NBEA: variants seen among roughly 807,000 people sequenced by gnomAD.
NBEA encodes the protein lysosomal-trafficking regulator 2.
Under a neutral mutation model 343.4 loss-of-function variants are expected in NBEA, and 44 were observed. The observed-to-expected ratio is 0.13, with a 90% CI of 0.10 to 0.16. The LOEUF (loss-of-function observed/expected upper bound fraction) is 0.16, where lower values mean the gene tolerates loss of function less well. Among genes scored for constraint, NBEA ranks in the 10% least tolerant of loss-of-function variants. The pLI is 1.00. For missense variants in NBEA, 2,555 were observed against 3,631.3 expected (o/e 0.70, Z 7.62); for synonymous variants, 1,175 against 1,238.7 (o/e 0.95, Z 1.08).
At chr13:35,251,494 C>T in intron 34 of NBEA, 1 of 1,095,434 alleles carries the variant, frequency 9.1e-7, no homozygotes. Flanking sequence ...GAGTGATGAC[C>T]TTGTGGAGTG....
At chr13:35,574,295 A>AG (rs2080607177) in intron 45 of NBEA, among the ~76,000 whole-genome samples, 2 of 18,580 alleles carry the variant, frequency 1.1e-4, no homozygotes, top group African/African-American at 2.5e-4. Context: ...GATATTCTTT[A>AG]AAAAAAAAAA....
At position 35,609,388 on chromosome 13, in the gene NBEA, G is replaced by A. The variant is rs140205539; in HGVS notation, c.7449+2810G>A. ...ACAGATAACTTTAGGAAAGGGATTT[G>A]CCTTCTTAATAAAAGACTGAAAGTT... On this transcript the variant is annotated intron_variant, in intron 48 of 58. Transcript: ENST00000379939. Among the ~76,000 whole-genome samples the A allele has an allele frequency of 2.0e-3, 305 of 152,298 alleles. 1 individual carries two copies. Among genetic ancestry groups the A allele is most frequent in the African/African-American group, 7.1e-3 (294 of 41,558 alleles).
intron 34 of NBEA, among the ~76,000 whole-genome samples, chr13:35,240,556 A>G (rs937390013): frequency 6.6e-6 from 1 of 151,978 alleles, no homozygotes; most frequent in African/African-American, 2.4e-5. Flanking sequence ...ATCAAAATTA[A>G]TACTGGAGGA....
At chr13:35,650,071 A>G (rs1458270393) in intron 52 of NBEA, among the ~76,000 whole-genome samples, 2 of 152,216 alleles carry the variant, frequency 1.3e-5, no homozygotes, top group African/African-American at 4.8e-5. Context: ...TCAACTACTC[A>G]GTAACTATTT....
chr13:35,306,529 C>A (rs917074834), intron 35 of NBEA, among the ~76,000 whole-genome samples: 2 of 151,946 alleles, frequency 1.3e-5, no homozygotes, highest in African/African-American at 4.8e-5. Context: ...TTTATTACTA[C>A]ATTTTTTTGG....
At chr13:35,602,015 T>C (rs1456269462) in intron 47 of NBEA, among the ~76,000 whole-genome samples, 4 of 152,172 alleles carry the variant, frequency 2.6e-5, no homozygotes, top group Admixed American at 2.0e-4. Flanking sequence ...TAAGAAAATA[T>C]ATGTAAAGCA....
At chr13:35,216,610 TA>T (rs1487767781) in intron 33 of NBEA, among the ~76,000 whole-genome samples, 1 of 151,976 alleles carries the variant, frequency 6.6e-6, no homozygotes, top group African/African-American at 2.4e-5. Context: ...TTCAATTCAA[TA>T]TTTTTTTCTA....
chr13:35,422,809 G>A lies in NBEA; in HGVS notation c.6180-9460G>A, dbSNP rs1430459493. Among the ~76,000 whole-genome samples the A allele has an allele frequency of 3.9e-5, 6 of 152,186 alleles. No homozygotes were observed. In the East Asian group the frequency reaches 9.6e-4, roughly 24 times the overall value. ...TTTCTCCACATCCTCTCCAGCATCT[G>A]TTGTTTCCTGACTTTTTAATGATCG... is the stretch of plus-strand genomic sequence containing the variant. On this transcript the variant is annotated intron_variant, in intron 38 of 58. Coordinates refer to ENST00000379939, the MANE Select transcript of NBEA (RefSeq NM_001385012.1).
intron 17 of NBEA, among the ~76,000 whole-genome samples, chr13:35,139,149 C>T (rs556025855): frequency 6.6e-6 from 1 of 150,984 alleles, no homozygotes; most frequent in East Asian, 2.0e-4. Flanking sequence ...CAACCTCCGC[C>T]TCCCATGCTC....
chr13:35,297,957 C>T (rs1476412918), intron 35 of NBEA, among the ~76,000 whole-genome samples: 1 of 151,346 alleles, frequency 6.6e-6, no homozygotes, highest in Non-Finnish European at 1.5e-5. Context: ...GTTAGGGAGG[C>T]CAGTCCCCCT....
intron 28 of NBEA, among the ~76,000 whole-genome samples, chr13:35,178,698 C>T (rs1593628635): frequency 6.6e-6 from 1 of 150,946 alleles, no homozygotes; most frequent in South Asian, 2.1e-4. Context: ...TATAATAAAC[C>T]TATATTGTTT....
intron 49 of NBEA, among the ~76,000 whole-genome samples, chr13:35,644,986 G>A (rs903722575): frequency 4.6e-5 from 7 of 152,176 alleles, no homozygotes; most frequent in South Asian, 2.1e-4. Context: ...CCATTTACGC[G>A]ATGGCTAAAA....
intron 38 of NBEA, among the ~76,000 whole-genome samples, chr13:35,371,167 T>G (rs993235952): frequency 6.6e-6 from 1 of 152,264 alleles, no homozygotes; most frequent in Admixed American, 6.5e-5. Flanking sequence ...CTTACTAGAC[T>G]TGGGAAATAT....
rs559435236 is a variant in NBEA at position 35,580,262 on chromosome 13, G to C, written c.7036-3636G>C. ...AACTTTCAGTTAAACTTTTGTATAT[G>C]GTAACACTTAAAAAGTGCGGAAGTC... is the stretch of plus-strand genomic sequence containing the variant. On this transcript the variant is annotated intron_variant, in intron 45 of 58. Transcript: ENST00000379939. Among the ~76,000 whole-genome samples the C allele has an allele frequency of 9.2e-5, 14 of 152,116 alleles. No homozygotes were observed. The South Asian group carries it at 2.3e-3, about 25-fold the overall frequency.
chr13:35,506,090 TCTCA>T (rs1167118343), intron 41 of NBEA, among the ~76,000 whole-genome samples: 1 of 152,172 alleles, frequency 6.6e-6, no homozygotes. Flanking sequence ...TGAGACATGT[TCTCA>T]CTCTGTCACC....
chr13:35,167,481 G>A (rs903164976), intron 24 of NBEA, among the ~76,000 whole-genome samples: 16 of 151,910 alleles, frequency 1.1e-4, no homozygotes, highest in African/African-American at 3.9e-4. Flanking sequence ...GATAGTTTGA[G>A]CACCTTGAAC....
intron 1 of NBEA, among the ~76,000 whole-genome samples, chr13:35,035,273 C>T (rs183950063): frequency 4.4e-3 from 671 of 151,944 alleles, no homozygotes; most frequent in Non-Finnish European, 7.5e-3. Flanking sequence ...TTCATTGACC[C>T]GCTTGTCATT....
At chr13:35,130,356 A>AT (rs1234897735) in intron 17 of NBEA, among the ~76,000 whole-genome samples, 3 of 151,990 alleles carry the variant, frequency 2.0e-5, no homozygotes, top group Non-Finnish European at 4.4e-5. Flanking sequence ...ATCTCTATGT[A>AT]TTTTTTTATG....
intron 47 of NBEA, among the ~76,000 whole-genome samples, chr13:35,603,315 A>G (rs2082139169): frequency 6.6e-6 from 1 of 152,186 alleles, no homozygotes; most frequent in African/African-American, 2.4e-5. Flanking sequence ...ATCCAACAAA[A>G]CATAAACCTC....
Sources: allele counts gnomAD v4.1 joint callset (sites outside exome capture counted in the v4.1 genomes callset), GRCh38; gene constraint gnomAD v4.1.1; transcripts MANE v1.5; gene names NCBI Gene and HGNC (gene_info 2026-07-23, HGNC 2026-07-21).